The following SPON1 variants were observed in gnomAD, a reference collection of about 807,000 sequenced individuals.
SPON1 encodes the protein spondin-1.
SPON1 carries 52 observed loss-of-function variants against 111.7 expected under a neutral mutation model. The observed-to-expected ratio is 0.47, with a 90% confidence interval of 0.37 to 0.59. The LOEUF is 0.59. Among genes scored for constraint, SPON1 ranks in the 20% least tolerant of loss-of-function variants. The probability of loss-of-function intolerance (pLI) is 0.00; values close to 1 mark genes in which losing one functional copy is unlikely to be tolerated. For missense variants in SPON1, 957 were observed against 1,068.5 expected (o/e 0.90, Z 1.46); for synonymous variants, 410 against 395.8 (o/e 1.04, Z -0.43).
chr11:14,049,898 G>A (rs138232881), intron 3 of SPON1, among the ~76,000 whole-genome samples: 26 of 152,246 alleles, frequency 1.7e-4, no homozygotes, highest in African/African-American at 5.5e-4. Flanking sequence ...CATGGAATGT[G>A]TACTATATTA....
At chr11:14,078,031 C>T (rs1848932183) in intron 4 of SPON1, among the ~76,000 whole-genome samples, 1 of 152,096 alleles carries the variant, frequency 6.6e-6, no homozygotes, top group Non-Finnish European at 1.5e-5. Flanking sequence ...TGAAATTACC[C>T]ATGGTTGGCA....
At chr11:14,187,982 TGTTG>T (rs1157781393) in intron 6 of SPON1, among the ~76,000 whole-genome samples, 1 of 152,178 alleles carries the variant, frequency 6.6e-6, no homozygotes, top group African/African-American at 2.4e-5. Context: ...GGTTTTGCCA[TGTTG>T]GTCAGACTGG....
At chr11:14,050,771 C>T (rs1360269606) in intron 3 of SPON1, among the ~76,000 whole-genome samples, 3 of 152,162 alleles carry the variant, frequency 2.0e-5, no homozygotes, top group Non-Finnish European at 4.4e-5. Context: ...TGACATGTGT[C>T]TCAGAACAGT....
rs1554942062 is a variant in SPON1 at position 14,262,867 on chromosome 11, C to G, written c.2152C>G (p.Arg718Gly). Reference sequence around the variant, plus strand: ...TGTGCAGCGAAAAAAGTGCCGCATCCGAAAATGCCTTCGAAATCCATCCAT... The same window carrying G: ...TGTGCAGCGAAAAAAGTGCCGCATCGGAAAATGCCTTCGAAATCCATCCAT... ...ETVQRKKCRIRKCLRNPSIQK... is the reference protein window; with the variant it reads ...ETVQRKKCRIGKCLRNPSIQK... Residue 718 changes from arginine (R) to glycine (G), a missense_variant, in exon 15 of 16, where the codon CGA (arginine) becomes GGA (glycine). Physicochemically the swap from Arg to Gly is moderately radical, Grantham distance 125. This residue lies in a region of SPON1 where 549 missense variants were observed against 606.2 expected (regional missense o/e 0.91). Transcript: ENST00000576479. 1.1e-5 allele frequency: 17 copies of G among 1,613,656 alleles called. 1 individual carries two copies.
chr11:14,144,670 TGAAA>T (rs1481028560), intron 6 of SPON1, among the ~76,000 whole-genome samples: 2 of 145,544 alleles, frequency 1.4e-5, no homozygotes, highest in African/African-American at 5.1e-5. Flanking sequence ...ATAATAATAA[TGAAA>T]AATAAAAAGT....
intron 2 of SPON1, among the ~76,000 whole-genome samples, chr11:13,993,525 C>G (rs1554911448): frequency 6.6e-6 from 1 of 152,198 alleles, no homozygotes; most frequent in Non-Finnish European, 1.5e-5. Flanking sequence ...TCCTTCAGGT[C>G]TCTGATCAGC....
intron 6 of SPON1, among the ~76,000 whole-genome samples, chr11:14,216,409 C>G (rs1848626885): frequency 6.6e-6 from 1 of 152,100 alleles, no homozygotes; most frequent in African/African-American, 2.4e-5. Flanking sequence ...GAGTAGCTGC[C>G]TATTTGAATC....
chr11:14,091,493 C>T (rs1008112411), intron 5 of SPON1, among the ~76,000 whole-genome samples: 91 of 152,314 alleles, frequency 6.0e-4, no homozygotes, highest in African/African-American at 1.7e-3. Context: ...AGCTCAGGCT[C>T]GGTGAGAAAT....
At chr11:14,168,541 T>A (rs923999473) in intron 6 of SPON1, among the ~76,000 whole-genome samples, 10 of 152,182 alleles carry the variant, frequency 6.6e-5, no homozygotes, top group Non-Finnish European at 2.9e-5. Context: ...TTAGGGTACA[T>A]GTGCACAACG....
chr11:14,059,222 G>C (rs1457039292), intron 3 of SPON1, among the ~76,000 whole-genome samples: 1 of 152,204 alleles, frequency 6.6e-6, no homozygotes, highest in Non-Finnish European at 1.5e-5. Context: ...AGTCAGCACA[G>C]CTCATAGTGG....
At chr11:14,256,327 C>T (rs1554941207) in intron 9 of SPON1, among the ~76,000 whole-genome samples, 2 of 152,224 alleles carry the variant, frequency 1.3e-5, no homozygotes, top group Non-Finnish European at 2.9e-5. Flanking sequence ...ACAATTTGAT[C>T]CAGGCAAATT....
intron 4 of SPON1, among the ~76,000 whole-genome samples, 182 bp downstream of exon 4, chr11:14,075,600 G>A (rs782555423): frequency 2.4e-4 from 37 of 152,104 alleles, no homozygotes; most frequent in Non-Finnish European, 8.8e-5. Context: ...TCCGCCTTAA[G>A]CTCTAATTAC....
At chr11:14,218,092 A>G (rs1848643998) in intron 6 of SPON1, among the ~76,000 whole-genome samples, 1 of 152,206 alleles carries the variant, frequency 6.6e-6, no homozygotes, top group Non-Finnish European at 1.5e-5. Context: ...TGATTATCAT[A>G]TTCATATTAC....
chr11:14,031,198 C>T (rs573236466), intron 2 of SPON1, among the ~76,000 whole-genome samples: 2 of 152,218 alleles, frequency 1.3e-5, no homozygotes, highest in East Asian at 1.9e-4. Context: ...CAGGGGCTAC[C>T]GGAGCAGGAA....
At chr11:14,232,187 C>T (rs1848810881) in intron 6 of SPON1, among the ~76,000 whole-genome samples, 1 of 152,046 alleles carries the variant, frequency 6.6e-6, no homozygotes. Context: ...CAGCATAACT[C>T]TCTCACCCCA....
intron 6 of SPON1, among the ~76,000 whole-genome samples, chr11:14,232,153 G>A (rs1331274145): frequency 6.6e-6 from 1 of 151,908 alleles, no homozygotes; most frequent in Non-Finnish European, 1.5e-5. Flanking sequence ...ATTGGTGAAG[G>A]CTTCCTCCAC....
At chr11:14,241,126 T>C (rs1334799713) in intron 6 of SPON1, among the ~76,000 whole-genome samples, 1 of 152,094 alleles carries the variant, frequency 6.6e-6, no homozygotes, top group Non-Finnish European at 1.5e-5. Context: ...TCTGGAAAGA[T>C]ACACACCATG....
intron 5 of SPON1, among the ~76,000 whole-genome samples, chr11:14,130,140 A>G (rs1281222839): frequency 1.3e-5 from 2 of 152,320 alleles, no homozygotes; most frequent in Middle Eastern, 3.4e-3. Flanking sequence ...CAGAGAGCTT[A>G]AGGAATCAGC....
At chr11:14,075,696 G>T (rs1475846905) in intron 4 of SPON1, among the ~76,000 whole-genome samples, 1 of 152,122 alleles carries the variant, frequency 6.6e-6, no homozygotes, top group African/African-American at 2.4e-5. Flanking sequence ...ATTCTGAAGA[G>T]GTTCCTTGGA....
Sources: gnomAD v4.1 joint callset for allele counts (sites outside exome capture counted in the v4.1 genomes callset) on GRCh38, gnomAD v4.1.1 for gene constraint, gnomAD v4.1.1 regional missense constraint, MANE v1.5 for transcripts, NCBI Gene and HGNC (gene_info 2026-07-23, HGNC 2026-07-21) for gene names.